Variants in FAM149B1 observed in about 807,000 individuals in gnomAD.
The protein encoded by FAM149B1 is primary cilium assembly protein FAM149B1.
FAM149B1 carries 56 observed loss-of-function variants against 75.3 expected under a neutral mutation model. The observed-to-expected ratio is 0.74, with a 90% CI of 0.60 to 0.93. The LOEUF (loss-of-function observed/expected upper bound fraction) is 0.93. Among genes scored for constraint, FAM149B1 ranks in the 40% least tolerant of loss-of-function variants. FAM149B1 has a pLI of 0.00. For synonymous variants in FAM149B1, 259 were observed against 256.1 expected (o/e 1.01, Z -0.11); for missense variants, 639 against 708.4 (o/e 0.90, Z 1.11).
At chr10:73,204,265 C>T (rs2043000345) in intron 5 of FAM149B1, among the ~76,000 whole-genome samples, 1 of 152,130 alleles carries the variant, frequency 6.6e-6, no homozygotes, top group South Asian at 2.1e-4. Context: ...GCTGGGATTA[C>T]AGGCACATGC....
chr10:73,200,593 TCA>T (rs2042912098), intron 5 of FAM149B1: 1 of 713,252 alleles, frequency 1.4e-6, no homozygotes, highest in Non-Finnish European at 2.3e-6. Flanking sequence ...GGTTTAAGGA[TCA>T]AATCTATGAG....
At chr10:73,180,534 C>T (rs2042371975) in intron 3 of FAM149B1, among the ~76,000 whole-genome samples, 1 of 152,196 alleles carries the variant, frequency 6.6e-6, no homozygotes, top group Admixed American at 6.5e-5. Context: ...CTCTTTATAA[C>T]TTATAAACGT....
At chr10:73,198,533 G>C (rs2042858571) in intron 5 of FAM149B1, among the ~76,000 whole-genome samples, 1 of 152,136 alleles carries the variant, frequency 6.6e-6, no homozygotes, top group East Asian at 1.9e-4. Context: ...GGCTGGGCGT[G>C]GTGGCTCATG....
Position 73,234,940 on chromosome 10 carries a change from G to C in FAM149B1, c.1476G>C (p.Met492Ile), listed in dbSNP as rs1003135479. Residue 492 changes from methionine to isoleucine, a missense_variant and splice_region_variant, in exon 11 of 14, where the codon ATG (methionine) becomes ATC (isoleucine). Met to Ile is a conservative substitution (Grantham distance 10, BLOSUM62 1). Coordinates refer to ENST00000242505, the MANE Select transcript of FAM149B1 (RefSeq NM_173348.2). ...GCACTGTGGGGCCACAAAGACAGATGGTATGTTTCTTTCATATTGCCTCTC... is the reference window on the plus strand; with the variant it reads ...GCACTGTGGGGCCACAAAGACAGATCGTATGTTTCTTTCATATTGCCTCTC... Reference protein sequence around the residue: ...HVSTVGPQRQMKPHGDSSRAQ... With the variant: ...HVSTVGPQRQIKPHGDSSRAQ... The C allele has an allele frequency of 1.3e-6, 2 of 1,551,746 alleles. No homozygotes were observed. Among genetic ancestry groups the C allele is most frequent in the African/African-American group, 2.7e-5 (2 of 73,126 alleles).
chr10:73,226,159 A>G (rs559316010), intron 7 of FAM149B1, among the ~76,000 whole-genome samples: 1 of 151,268 alleles, frequency 6.6e-6, no homozygotes, highest in Admixed American at 6.6e-5. Flanking sequence ...TAGTTTGCCA[A>G]CCCTGCTCTA....
At chr10:73,224,691 C>T (rs765493413) in intron 7 of FAM149B1, among the ~76,000 whole-genome samples, 1 of 151,968 alleles carries the variant, frequency 6.6e-6, no homozygotes, top group Non-Finnish European at 1.5e-5. Flanking sequence ...AGGCTGGTCT[C>T]GAACTCCTGA....
At chr10:73,197,503 C>T (rs1368609624) in intron 5 of FAM149B1, among the ~76,000 whole-genome samples, 8 of 152,178 alleles carry the variant, frequency 5.3e-5, no homozygotes, top group Admixed American at 5.2e-4. Flanking sequence ...GGCACGGTGG[C>T]TCACGCCTGT....
At chr10:73,189,411 T>C (rs759456298) in intron 3 of FAM149B1, among the ~76,000 whole-genome samples, 3 of 152,188 alleles carry the variant, frequency 2.0e-5, no homozygotes, top group African/African-American at 7.2e-5. Context: ...TGAAAACATA[T>C]GTGTAGAAAA....
chr10:73,172,644 A>C (rs1455250130), intron 1 of FAM149B1, among the ~76,000 whole-genome samples: 1 of 152,220 alleles, frequency 6.6e-6, no homozygotes, highest in Non-Finnish European at 1.5e-5. Flanking sequence ...GCAGATTACT[A>C]GGAACATATA....
At chr10:73,226,374 G>A (rs904682568) in intron 7 of FAM149B1, among the ~76,000 whole-genome samples, 6 of 152,058 alleles carry the variant, frequency 3.9e-5, no homozygotes, top group East Asian at 1.9e-4. Flanking sequence ...GTGTGGTGGC[G>A]GGCACCTGTA....
At chr10:73,211,287 G>T (rs1177564622) in intron 7 of FAM149B1, among the ~76,000 whole-genome samples, 2 of 152,134 alleles carry the variant, frequency 1.3e-5, no homozygotes, top group African/African-American at 4.8e-5. Context: ...AAGTGAAAAA[G>T]TTCCAACCTT....
rs1239293034 is a variant in FAM149B1 at position 73,228,071 on chromosome 10, A to G, written c.910A>G (p.Asn304Asp). 5 of 1,551,536 alleles carry G rather than the reference A, an allele frequency of 3.2e-6. No homozygotes were observed. The highest frequency in any genetic ancestry group is 2.0e-5 in the Admixed American group (1 of 50,992). Residue 304 changes from asparagine to aspartate, a missense_variant, in exon 8 of 14, where the codon AAT becomes GAT. By Grantham distance (23) the Asn-to-Asp change is conservative. Transcript: ENST00000242505. Reference sequence around the variant, plus strand: ...GTTCCTTTGCCCAGATGATGAGAGTAATGTTGCAGTTACCAGACCCGATTC... The same window carrying G: ...GTTCCTTTGCCCAGATGATGAGAGTGATGTTGCAGTTACCAGACCCGATTC... ...WEGFASDDES[N>D]VAVTRPDSES...
intron 5 of FAM149B1, among the ~76,000 whole-genome samples, chr10:73,198,173 G>C (rs779235662): frequency 6.6e-6 from 1 of 152,142 alleles, no homozygotes; most frequent in African/African-American, 2.4e-5. Context: ...AACGAAGTTG[G>C]ACCCTTACTT....
chr10:73,239,209 C>A, intron 12 of FAM149B1, 103 bp from the exon 13 acceptor site: 2 of 943,328 alleles, frequency 2.1e-6, no homozygotes, highest in Non-Finnish European at 3.3e-6. Flanking sequence ...GTAGTCTATG[C>A]CTTTTACCAC....
In FAM149B1 at chr10:73,242,171, T is replaced by C. The variant is rs895586374; in HGVS notation, c.*1152T>C. On this transcript the variant is annotated 3_prime_UTR_variant, in exon 14 of 14. Transcript: ENST00000242505. ...ATATTTTTAATAAAATTAAAATCTATTTTTAACCTATTTGTAGTCACAAAC... is the reference window on the plus strand; with the variant it reads ...ATATTTTTAATAAAATTAAAATCTACTTTTAACCTATTTGTAGTCACAAAC... The C allele has an allele frequency of 6.6e-6, 1 of 152,188 alleles. No individual in the cohort carries two copies. Among genetic ancestry groups the C allele is most frequent in the African/African-American group, 2.4e-5 (1 of 41,444 alleles). The allele number at this position is 152,188 out of a possible 1,614,324, so 9.4% of individuals were successfully genotyped here. A position where few individuals can be genotyped will look rare whatever the true frequency, so the allele number is the denominator to read the frequency against.
intron 5 of FAM149B1, among the ~76,000 whole-genome samples, chr10:73,202,338 C>T (rs2042957698): frequency 6.6e-6 from 1 of 151,798 alleles, no homozygotes; most frequent in Non-Finnish European, 1.5e-5. Flanking sequence ...ATTTATTTTT[C>T]AACACAAAGA....
chr10:73,179,990 G>T (rs1220594140), intron 3 of FAM149B1, among the ~76,000 whole-genome samples: 3 of 152,044 alleles, frequency 2.0e-5, no homozygotes, highest in Non-Finnish European at 4.4e-5. Context: ...ATTGAGCATG[G>T]TTGTTTTCCC....
At chr10:73,169,364 G>T (rs1843605287) in intron 1 of FAM149B1, among the ~76,000 whole-genome samples, 1 of 151,318 alleles carries the variant, frequency 6.6e-6, no homozygotes, top group South Asian at 2.1e-4. Context: ...AAAAAGAGCT[G>T]CCCCCTACCC....
chr10:73,171,795 A>G (rs186222799), intron 1 of FAM149B1, among the ~76,000 whole-genome samples: 41 of 151,772 alleles, frequency 2.7e-4, no homozygotes, highest in South Asian at 1.0e-3. Context: ...TGCCCAGCTA[A>G]TTTTTTGTAT....
Sources: allele counts gnomAD v4.1 joint callset (sites outside exome capture counted in the v4.1 genomes callset), GRCh38; gene constraint gnomAD v4.1.1; transcripts MANE v1.5; gene names NCBI Gene and HGNC (gene_info 2026-07-23, HGNC 2026-07-21).